Variants in SCN11A observed in about 807,000 individuals in gnomAD.
SCN11A encodes the protein sodium voltage-gated channel alpha subunit 11, also known as sodium channel protein type 11 subunit alpha.
SCN11A carries 122 observed loss-of-function variants against 162.2 expected under a neutral mutation model. The ratio of observed to expected loss-of-function variants is 0.75; its 90% confidence interval spans 0.65 to 0.87. The LOEUF (loss-of-function observed/expected upper bound fraction) is 0.87, where lower values mean the gene tolerates loss of function less well. Among genes scored for constraint, SCN11A ranks in the 40% least tolerant of loss-of-function variants. SCN11A has a pLI of 0.00. For missense variants in SCN11A, 2,015 were observed against 2,181.6 expected, an observed-to-expected ratio of 0.92 and a Z score of 1.52; for synonymous variants, 758 against 751.5, an observed-to-expected ratio of 1.01 and a Z score of -0.14.
At chr3:38,902,048 T>G (rs1474528073) in intron 16 of SCN11A, among the ~76,000 whole-genome samples, 3 of 152,156 alleles carry the variant, frequency 2.0e-5, no homozygotes, top group African/African-American at 4.8e-5. Context: ...GACCAGCAGA[T>G]GAAAACAGAT....
At chr3:38,867,654 G>A (rs958701599) in intron 26 of SCN11A, among the ~76,000 whole-genome samples, 196 bp from the exon 27 acceptor site, 5 of 152,122 alleles carry the variant, frequency 3.3e-5, no homozygotes, top group South Asian at 2.1e-4. Context: ...GGCATGTGGC[G>A]GGGACCTGGG....
intron 2 of SCN11A, among the ~76,000 whole-genome samples, chr3:38,963,518 C>CAT (rs2066761191): frequency 7.1e-6 from 1 of 141,342 alleles, no homozygotes; most frequent in Admixed American, 7.2e-5. Context: ...GATGGAGATA[C>CAT]ATATATATAA....
At chr3:38,990,721 G>A (rs1406539468) in intron 2 of SCN11A, among the ~76,000 whole-genome samples, 2 of 152,076 alleles carry the variant, frequency 1.3e-5, no homozygotes, top group African/African-American at 4.8e-5. Flanking sequence ...TCGAAATAGA[G>A]TCTGCTTCCA....
Position 38,950,069 on chromosome 3 carries a change from A to ACCC in SCN11A, c.267+24_267+26dup, listed in dbSNP as rs375995524. 8.0e-4 allele frequency: 53 copies of ACCC among 66,222 alleles called. 6 individuals carry two copies. The highest frequency in any genetic ancestry group is 1.2e-3 in the East Asian group (3 of 2,404). The allele number at this position is 66,222 out of a possible 1,614,324, so 4.1% of individuals were successfully genotyped here. On this transcript the variant is annotated intron_variant, in intron 5 of 29. Coordinates refer to ENST00000302328, the MANE Select transcript of SCN11A (RefSeq NM_001349253.2). ...GCATGGTTAGAACACCCCCACCCCC[A>ACCC]CCCCCCCCCCCCGCCCAATGAAGTA... is the stretch of plus-strand genomic sequence containing the variant.
At chr3:38,900,657 C>T (rs1459017635) in intron 16 of SCN11A, among the ~76,000 whole-genome samples, 1 of 146,598 alleles carries the variant, frequency 6.8e-6, no homozygotes, top group Non-Finnish European at 1.5e-5. Flanking sequence ...CTTTGAGCAA[C>T]TCAATATATG....
chr3:39,044,405 T>C (rs1003041240), intron 1 of SCN11A, among the ~76,000 whole-genome samples: 20 of 152,302 alleles, frequency 1.3e-4, no homozygotes, highest in African/African-American at 3.6e-4. Context: ...TCCTCCAAGA[T>C]AGACCATATG....
chr3:38,978,798 C>G (rs1191682467), intron 2 of SCN11A, among the ~76,000 whole-genome samples: 1 of 152,164 alleles, frequency 6.6e-6, no homozygotes, highest in Non-Finnish European at 1.5e-5. Context: ...GGCCCTGTCC[C>G]CTCCAGCCTC....
chr3:39,005,835 C>G (rs2030955682), intron 2 of SCN11A, among the ~76,000 whole-genome samples: 1 of 152,192 alleles, frequency 6.6e-6, no homozygotes, highest in Non-Finnish European at 1.5e-5. Flanking sequence ...CATTCTGCTT[C>G]CTGCCTCCCA....
intron 2 of SCN11A, among the ~76,000 whole-genome samples, chr3:38,981,161 T>A (rs1411127578): frequency 6.6e-6 from 1 of 152,202 alleles, no homozygotes; most frequent in Non-Finnish European, 1.5e-5. Context: ...AGGCTACAGT[T>A]TATGCTGTGG....
chr3:38,951,930 G>A (rs962024932), intron 4 of SCN11A, among the ~76,000 whole-genome samples: 2 of 152,058 alleles, frequency 1.3e-5, no homozygotes, highest in East Asian at 1.9e-4. Flanking sequence ...TCAGGCTGCT[G>A]GAGCCAGCAG....
intron 2 of SCN11A, among the ~76,000 whole-genome samples, chr3:38,973,771 T>C (rs187907268): frequency 6.6e-6 from 1 of 152,176 alleles, no homozygotes; most frequent in Non-Finnish European, 1.5e-5. Flanking sequence ...CTTGGATGAC[T>C]GCACAAGGTT....
chr3:38,960,068 G>A (rs2066724480), intron 3 of SCN11A, among the ~76,000 whole-genome samples: 1 of 151,962 alleles, frequency 6.6e-6, no homozygotes. Context: ...GTGAGCCCAT[G>A]ACCTCTCAGT....
At chr3:38,884,814 C>A (rs1184573545) in intron 21 of SCN11A, among the ~76,000 whole-genome samples, 10 of 152,240 alleles carry the variant, frequency 6.6e-5, no homozygotes, top group Admixed American at 6.5e-4. Flanking sequence ...TTATTACCCT[C>A]ATTTTAGAAA....
At chr3:38,868,852 ATT>A (rs1441772363) in intron 26 of SCN11A, among the ~76,000 whole-genome samples, 1 of 152,340 alleles carries the variant, frequency 6.6e-6, no homozygotes, top group East Asian at 1.9e-4. Flanking sequence ...GAGTAACATA[ATT>A]GAACAGAGAG....
chr3:38,920,529 A>G (rs1336512492), intron 10 of SCN11A, among the ~76,000 whole-genome samples: 1 of 152,084 alleles, frequency 6.6e-6, no homozygotes, highest in Non-Finnish European at 1.5e-5. Context: ...CGTCTCTACT[A>G]AAAATACAAA....
intron 23 of SCN11A, among the ~76,000 whole-genome samples, chr3:38,873,116 T>C (rs1463204650): frequency 6.6e-6 from 1 of 152,172 alleles, no homozygotes; most frequent in East Asian, 1.9e-4. Context: ...TATTTACAGA[T>C]GCTCAGTAGA....
intron 2 of SCN11A, among the ~76,000 whole-genome samples, chr3:39,002,650 G>T (rs2030852355): frequency 6.6e-6 from 1 of 152,180 alleles, no homozygotes; most frequent in African/African-American, 2.4e-5. Context: ...TTTGCCATGT[G>T]GCTTTGCAGT....
At chr3:38,859,717 T>C (rs1322641735) in intron 28 of SCN11A, among the ~76,000 whole-genome samples, 3 of 152,182 alleles carry the variant, frequency 2.0e-5, no homozygotes, top group Non-Finnish European at 2.9e-5. Context: ...GCTGTCCTTG[T>C]TCATTCCTGG....
At chr3:38,937,479 A>G (rs1479276079) in intron 7 of SCN11A, among the ~76,000 whole-genome samples, 3 of 151,440 alleles carry the variant, frequency 2.0e-5, no homozygotes, top group African/African-American at 7.3e-5. Flanking sequence ...CTCATCTGAC[A>G]AAGGGCTAAT....
Sources: allele counts gnomAD v4.1 joint callset (sites outside exome capture counted in the v4.1 genomes callset), GRCh38; gene constraint gnomAD v4.1.1; transcripts MANE v1.5; gene names NCBI Gene and HGNC (gene_info 2026-07-23, HGNC 2026-07-21).